BRPF3: variants seen among roughly 807,000 people sequenced by gnomAD.
BRPF3 encodes bromodomain and PHD finger containing 3.
Under a neutral mutation model 102.0 loss-of-function variants are expected in BRPF3, and 18 were observed. The ratio of observed to expected loss-of-function variants is 0.18; its 90% confidence interval spans 0.12 to 0.26. BRPF3 has a LOEUF of 0.26. BRPF3 is among the 10% of genes least tolerant of loss of function. The pLI is 1.00. For synonymous variants in BRPF3, 570 were observed against 614.2 expected (o/e 0.93, Z 1.06); for missense variants, 1,147 against 1,567.8 (o/e 0.73, Z 4.53).
Position 36,222,186 on chromosome 6 carries a change from A to G in BRPF3, c.3102A>G (p.Lys1034=), listed in dbSNP as rs1768570853. The stretch of plus-strand genomic sequence containing the variant: ...TGTGCAGTGGTCTGACGCCCCCCAA[A>G]CGCAGCCGTGGGAAGCCAGCCCTGT... The part of the protein sequence containing the change: ...FEACSGLTPP[K]RSRGKPALSR... Residue 1034 remains lysine (K), a synonymous_variant, in exon 10 of 13, where the codon AAA becomes AAG. Transcript: ENST00000357641. 1 of 1,550,224 alleles carries G rather than the reference A, an allele frequency of 6.5e-7. No homozygotes were observed. Among genetic ancestry groups the G allele is most frequent in the East Asian group, 2.4e-5 (1 of 40,942 alleles).
At chr6:36,227,791 A>G (rs188310227) in intron 11 of BRPF3, among the ~76,000 whole-genome samples, 7 of 152,286 alleles carry the variant, frequency 4.6e-5, no homozygotes, top group Admixed American at 2.0e-4. Context: ...TGGGTGGGGT[A>G]AGGTGGTTCT....
intron 8 of BRPF3, among the ~76,000 whole-genome samples, chr6:36,215,323 C>T (rs1768289170): frequency 1.3e-5 from 2 of 152,096 alleles, no homozygotes; most frequent in South Asian, 4.1e-4. Flanking sequence ...ACCATGTTGG[C>T]CAGGCTGGTC....
At chr6:36,229,117 T>C in intron 12 of BRPF3, 61 bp downstream of exon 12, 1 of 1,577,486 alleles carries the variant, frequency 6.3e-7, no homozygotes, top group Non-Finnish European at 8.6e-7. Flanking sequence ...CCAGTGGTGC[T>C]GTGCTAGTGA....
chr6:36,226,554 G>C (rs144165004), intron 11 of BRPF3, among the ~76,000 whole-genome samples: 2 of 152,210 alleles, frequency 1.3e-5, no homozygotes, highest in Non-Finnish European at 2.9e-5. Context: ...ATATTTTTTA[G>C]AAAACATCCT....
chr6:36,200,496 C>T lies in BRPF3; in HGVS notation c.174C>T (p.Leu58=). The T allele has an allele frequency of 6.2e-7, 1 of 1,614,232 alleles. No individual in the cohort carries two copies. The highest frequency in any genetic ancestry group is 8.5e-7 in the Non-Finnish European group (1 of 1,180,038). The change falls in exon 2 of 13, where the codon CTC becomes CTT. Residue 58 remains leucine (L), a synonymous_variant. Transcript: ENST00000357641. The surrounding 1 kb of genome is among the most constrained non-coding windows in gnomAD (Gnocchi z 5.3). ...RLHRISIYDP[L]KIITEDELTA... is the part of the protein sequence containing the mutation. ...ATCGTATCAGCATCTATGACCCACT[C>T]AAAATCATTACTGAAGATGAGCTAA...
At chr6:36,202,419 C>CA (rs376556495) in intron 2 of BRPF3, among the ~76,000 whole-genome samples, 1 of 142,578 alleles carries the variant, frequency 7.0e-6, no homozygotes, top group Admixed American at 6.9e-5. Flanking sequence ...GACCCCCCCC[C>CA]CCTCCGCCCC....
In BRPF3 at chr6:36,210,159, G is replaced by A. The variant is rs1338475569; in HGVS notation, c.1867-57G>A. 2.5e-6 allele frequency: 4 copies of A among 1,582,442 alleles called. No individual in the cohort carries two copies. The highest frequency in any genetic ancestry group is 4.5e-5 in the East Asian group (2 of 44,708). Reference sequence around the variant, plus strand: ...AGGAGGCCAAGAGTATTGGTGAAGGGTGTGTCTGTTTGGCTAGTAAATGGT... The same window carrying A: ...AGGAGGCCAAGAGTATTGGTGAAGGATGTGTCTGTTTGGCTAGTAAATGGT... On this transcript the variant is annotated intron_variant, in intron 5 of 12. Coordinates refer to ENST00000357641, the MANE Select transcript of BRPF3 (RefSeq NM_015695.3). The surrounding 1 kb of genome is among the most constrained non-coding windows in gnomAD (Gnocchi z 4.7).
In BRPF3 at chr6:36,200,668, C is replaced by G; in HGVS notation, c.346C>G (p.Gln116Glu). Residue 116 changes from glutamine to glutamate, a missense_variant, in exon 2 of 13, where the codon CAG becomes GAG. Gln to Glu is a conservative substitution (Grantham distance 29, BLOSUM62 2). Transcript: ENST00000357641. The surrounding 1 kb of genome is among the most constrained non-coding windows in gnomAD (Gnocchi z 5.3). ...ATCTGGTACTTCCTTCCACCTCCCA[C>G]AGCCCAGCTTCCGTATGGTGGACTC... ...HASGTSFHLP[Q>E]PSFRMVDSGI... The G allele has an allele frequency of 1.2e-6, 2 of 1,614,206 alleles. No individual in the cohort carries two copies. The highest frequency in any genetic ancestry group is 1.7e-6 in the Non-Finnish European group (2 of 1,180,032).
At chr6:36,212,963 A>G (rs1442919981) in intron 7 of BRPF3, among the ~76,000 whole-genome samples, 1 of 152,206 alleles carries the variant, frequency 6.6e-6, no homozygotes, top group Non-Finnish European at 1.5e-5. Flanking sequence ...CCGTCTCAAA[A>G]AAAAAAAAAA....
At chr6:36,225,597 A>G (rs1768713206) in intron 11 of BRPF3, among the ~76,000 whole-genome samples, 1 of 152,194 alleles carries the variant, frequency 6.6e-6, no homozygotes, top group Non-Finnish European at 1.5e-5. Flanking sequence ...TTTTAATAGC[A>G]TTTATTTATT....
At chr6:36,209,675 T>G (rs1768025813) in intron 4 of BRPF3, 112 bp from the exon 5 acceptor site, 2 of 1,386,816 alleles carry the variant, frequency 1.4e-6, no homozygotes, top group East Asian at 2.3e-5. Flanking sequence ...CAGCTTAATA[T>G]TCTATGAAAA....
chr6:36,201,408 T>C lies in BRPF3; in HGVS notation c.1086T>C (p.Ile362=). The change falls in exon 2 of 13, where the codon ATT becomes ATC. Residue 362 remains isoleucine, a synonymous_variant. Coordinates refer to ENST00000357641, the MANE Select transcript of BRPF3 (RefSeq NM_015695.3). This position sits in a 1 kb window ranked among gnomAD's most constrained non-coding sequence, Gnocchi z 5.1. ...AGCGGGCTGGGCTCTTCATGAAGAT[T>C]GAGCCCATGCGCGAAACCAGCCTCA... ...CAQRAGLFMK[I]EPMRETSLNG... is the part of the protein sequence containing the mutation. 2 of 1,614,122 alleles carry C rather than the reference T, an allele frequency of 1.2e-6. No homozygotes were observed.
intron 4 of BRPF3, among the ~76,000 whole-genome samples, chr6:36,208,920 G>T (rs1387562491): frequency 6.6e-6 from 1 of 152,226 alleles, no homozygotes; most frequent in Non-Finnish European, 1.5e-5. Context: ...GGGCAAGCCT[G>T]GAGGCCCTGG....
Position 36,200,741 on chromosome 6 carries a change from A to G in BRPF3, c.419A>G (p.Tyr140Cys), listed in dbSNP as rs1767669007. ...CCGCTGCCTGCTGCCTACTACCGCT[A>G]CATTGAGAAGCCACCTGAAGACCTG... ...APPLPAAYYR[Y>C]IEKPPEDLDA... Residue 140 changes from tyrosine (Y) to cysteine (C), a missense_variant, in exon 2 of 13, where the codon TAC (tyrosine) becomes TGC (cysteine). Tyr to Cys is a radical substitution (Grantham distance 194). Around this residue, in one of 11 missense-constraint regions of BRPF3, gnomAD observed 221 missense variants for 337.1 expected, o/e 0.66. Coordinates refer to ENST00000357641, the MANE Select transcript of BRPF3 (RefSeq NM_015695.3). The surrounding 1 kb of genome is among the most constrained non-coding windows in gnomAD (Gnocchi z 5.3). 1 of 1,614,160 alleles carries G rather than the reference A, an allele frequency of 6.2e-7. No homozygotes were observed. Among genetic ancestry groups the G allele is most frequent in the Non-Finnish European group, 8.5e-7 (1 of 1,180,026 alleles).
chr6:36,206,963 C>T (rs1290844177), intron 3 of BRPF3, among the ~76,000 whole-genome samples: 1 of 152,032 alleles, frequency 6.6e-6, no homozygotes, highest in Non-Finnish European at 1.5e-5. Flanking sequence ...GTTTTCTAGC[C>T]AAGTGAAAGC....
chr6:36,227,483 G>A (rs921090335), intron 11 of BRPF3, among the ~76,000 whole-genome samples: 1 of 152,176 alleles, frequency 6.6e-6, no homozygotes, highest in Admixed American at 6.5e-5. Context: ...TTGAATGAAT[G>A]GACCATTTAT....
intron 4 of BRPF3, among the ~76,000 whole-genome samples, chr6:36,208,909 G>A (rs1199519797): frequency 6.6e-6 from 1 of 152,184 alleles, no homozygotes; most frequent in Non-Finnish European, 1.5e-5. Context: ...GCCACTTGCG[G>A]GGGCAAGCCT....
intron 8 of BRPF3, among the ~76,000 whole-genome samples, chr6:36,215,276 T>C (rs900693170): frequency 6.6e-6 from 1 of 152,036 alleles, no homozygotes; most frequent in African/African-American, 2.4e-5. Flanking sequence ...CCACCACGCC[T>C]TGCTAATTTT....
Position 36,207,458 on chromosome 6 carries a change from C to G in BRPF3, c.1737+14C>G, listed in dbSNP as rs201661833. On this transcript the variant is annotated intron_variant, in intron 4 of 12. Coordinates refer to ENST00000357641, the MANE Select transcript of BRPF3 (RefSeq NM_015695.3). ...AAACGAGAGCAGGTAAGGAGGAGCCCCCAGCCCTAGGGCCCTAGTTCAAGG... is the reference window on the plus strand; with the variant it reads ...AAACGAGAGCAGGTAAGGAGGAGCCGCCAGCCCTAGGGCCCTAGTTCAAGG... 4 of 1,613,404 alleles carry G rather than the reference C, an allele frequency of 2.5e-6. No homozygotes were observed. Among genetic ancestry groups the G allele is most frequent in the African/African-American group, 2.7e-5 (2 of 74,982 alleles).
Sources: gnomAD v4.1 joint callset for allele counts (sites outside exome capture counted in the v4.1 genomes callset) on GRCh38, gnomAD v4.1.1 for gene constraint, gnomAD v4.1.1 regional missense constraint, Gnocchi (gnomAD v3.1) non-coding constraint, MANE v1.5 for transcripts, NCBI Gene and HGNC (gene_info 2026-07-23, HGNC 2026-07-21) for gene names.